Variants in LSAMP observed in about 807,000 individuals in gnomAD.
LSAMP encodes the protein limbic system associated membrane protein.
In LSAMP, 7 loss-of-function variants were observed where a neutral mutation model predicts 38.6. That is an observed-to-expected ratio of 0.18 (90% CI 0.10 to 0.34). The LOEUF (loss-of-function observed/expected upper bound fraction) is 0.34. Among genes scored for constraint, LSAMP ranks in the 10% least tolerant of loss-of-function variants. The pLI is 1.00. For synonymous variants in LSAMP, 154 were observed against 166.8 expected (o/e 0.92, Z 0.59); for missense variants, 313 against 420.0 (o/e 0.75, Z 2.23).
intron 3 of LSAMP, 23 bp downstream of exon 3, chr3:116,019,492 T>C (rs1407338743): frequency 1.9e-6 from 3 of 1,608,862 alleles, no homozygotes; most frequent in East Asian, 2.2e-5. Flanking sequence ...ATGTGGCATA[T>C]TGGAACCTGG....
At chr3:116,018,553 A>G (rs1940548943) in intron 3 of LSAMP, among the ~76,000 whole-genome samples, 1 of 152,200 alleles carries the variant, frequency 6.6e-6, no homozygotes, top group African/African-American at 2.4e-5. Context: ...TCTCTACAAA[A>G]TCAATAATAT....
At chr3:115,827,322 G>A (rs546178851) in intron 6 of LSAMP, among the ~76,000 whole-genome samples, 1 of 142,996 alleles carries the variant, frequency 7.0e-6, no homozygotes, top group Non-Finnish European at 1.5e-5. Context: ...CCAAGGCACG[G>A]TTATTTTCTA....
At chr3:116,040,062 A>T (rs1559930310) in intron 2 of LSAMP, among the ~76,000 whole-genome samples, 1 of 152,166 alleles carries the variant, frequency 6.6e-6, no homozygotes, top group Non-Finnish European at 1.5e-5. Context: ...GGCAATGGAA[A>T]GCTCGCTGAA....
intron 2 of LSAMP, among the ~76,000 whole-genome samples, chr3:116,039,089 G>C (rs1164889375): frequency 1.3e-5 from 2 of 152,184 alleles, no homozygotes; most frequent in South Asian, 4.1e-4. Context: ...CACAGGCATA[G>C]AGAATTAGAA....
At chr3:115,925,890 C>G (rs1409866642) in intron 3 of LSAMP, among the ~76,000 whole-genome samples, 2 of 151,776 alleles carry the variant, frequency 1.3e-5, no homozygotes, top group Admixed American at 1.3e-4. Flanking sequence ...TAAGGCAAAC[C>G]AAAATTGTAA....
At chr3:115,989,046 GCATTCAATTTT>G (rs1340546906) in intron 3 of LSAMP, among the ~76,000 whole-genome samples, 2 of 152,006 alleles carry the variant, frequency 1.3e-5, no homozygotes, top group African/African-American at 4.8e-5. Flanking sequence ...TTCTTAAAGG[GCATTCAATTTT>G]CACACTAAAT....
chr3:115,959,671 C>A (rs1389156656), intron 3 of LSAMP, among the ~76,000 whole-genome samples: 1 of 152,140 alleles, frequency 6.6e-6, no homozygotes, highest in Non-Finnish European at 1.5e-5. Context: ...GTAACTGTGC[C>A]TATCTCACAG....
intron 1 of LSAMP, among the ~76,000 whole-genome samples, chr3:116,183,738 A>C (rs1411796124): frequency 6.6e-6 from 1 of 151,844 alleles, no homozygotes. Flanking sequence ...TAGAACACCT[A>C]TAAAGGTTTC....
intron 1 of LSAMP, among the ~76,000 whole-genome samples, chr3:116,248,984 A>T (rs907507130): frequency 2.6e-5 from 4 of 151,820 alleles, no homozygotes; most frequent in African/African-American, 9.7e-5. Context: ...TGTCTCTACT[A>T]AAAAATACAA....
chr3:115,813,733 G>A (rs1933918621), intron 6 of LSAMP, among the ~76,000 whole-genome samples: 1 of 152,158 alleles, frequency 6.6e-6, no homozygotes, highest in Non-Finnish European at 1.5e-5. Flanking sequence ...GACTGCATAG[G>A]AGACTACTTC....
intron 3 of LSAMP, among the ~76,000 whole-genome samples, chr3:115,923,739 T>C (rs1937436155): frequency 6.6e-6 from 1 of 152,170 alleles, no homozygotes; most frequent in Non-Finnish European, 1.5e-5. Flanking sequence ...GACTTTTCCT[T>C]CCTTTTTTGC....
chr3:116,255,312 C>T (rs2046735300), intron 1 of LSAMP, among the ~76,000 whole-genome samples: 1 of 152,076 alleles, frequency 6.6e-6, no homozygotes, highest in Non-Finnish European at 1.5e-5. Context: ...GAATGTTGGC[C>T]AGAGAGCTGC....
chr3:116,320,108 C>T (rs1183896168), intron 1 of LSAMP, among the ~76,000 whole-genome samples: 2 of 152,126 alleles, frequency 1.3e-5, no homozygotes, highest in African/African-American at 4.8e-5. Context: ...AATGTTGCAG[C>T]CTTTGGAAAT....
At chr3:115,813,060 G>A (rs1450546439) in intron 6 of LSAMP, among the ~76,000 whole-genome samples, 1 of 151,770 alleles carries the variant, frequency 6.6e-6, no homozygotes, top group Non-Finnish European at 1.5e-5. Flanking sequence ...ACATATTATT[G>A]ATCTTTTACA....
At chr3:116,097,198 G>A (rs966297071) in intron 1 of LSAMP, among the ~76,000 whole-genome samples, 1 of 139,158 alleles carries the variant, frequency 7.2e-6, no homozygotes, top group South Asian at 2.1e-4. Context: ...GATACCAAAA[G>A]CATTGCTAAG....
intron 1 of LSAMP, among the ~76,000 whole-genome samples, chr3:116,417,352 T>C (rs2049065474): frequency 6.6e-6 from 1 of 152,162 alleles, no homozygotes; most frequent in Non-Finnish European, 1.5e-5. Context: ...GGAAACCCAT[T>C]TGGGATGCAG....
intron 3 of LSAMP, among the ~76,000 whole-genome samples, chr3:115,879,988 G>T (rs180781298): frequency 6.6e-6 from 1 of 152,004 alleles, no homozygotes; most frequent in Non-Finnish European, 1.5e-5. Flanking sequence ...TTCTAATTAG[G>T]TATAAGAATT....
chr3:116,246,578 G>A (rs923114691), intron 1 of LSAMP, among the ~76,000 whole-genome samples: 5 of 152,124 alleles, frequency 3.3e-5, no homozygotes, highest in Admixed American at 6.5e-5. Context: ...TATGCCAAGC[G>A]TGCAGTGCCA....
chr3:115,995,447 A>T (rs977557891), intron 3 of LSAMP, among the ~76,000 whole-genome samples: 3 of 152,094 alleles, frequency 2.0e-5, no homozygotes, highest in African/African-American at 7.2e-5. Context: ...ATATTTGTTG[A>T]TGATGATGAT....
Sources: allele counts gnomAD v4.1 joint callset (sites outside exome capture counted in the v4.1 genomes callset), GRCh38; gene constraint gnomAD v4.1.1; transcripts MANE v1.5; gene names NCBI Gene and HGNC (gene_info 2026-07-23, HGNC 2026-07-21).